Variants in NOX3 observed in about 807,000 individuals in gnomAD.
NOX3 encodes NADPH oxidase 3.
NOX3 carries 74 observed loss-of-function variants against 76.7 expected under a neutral mutation model. The ratio of observed to expected loss-of-function variants is 0.96; its 90% confidence interval spans 0.80 to 1.17. The LOEUF (loss-of-function observed/expected upper bound fraction) is 1.17. Among genes scored for constraint, NOX3 ranks in the 50% most tolerant of loss-of-function variants. The probability of loss-of-function intolerance (pLI) is 0.00; values close to 1 mark genes in which losing one functional copy is unlikely to be tolerated. For missense variants in NOX3, 695 were observed against 703.3 expected (o/e 0.99, Z 0.13); for synonymous variants, 263 against 261.1 (o/e 1.01, Z -0.07).
intron 12 of NOX3, among the ~76,000 whole-genome samples, chr6:155,402,948 C>T (rs575307609): frequency 2.6e-5 from 4 of 152,308 alleles, no homozygotes; most frequent in South Asian, 4.1e-4. Context: ...AGGACAGAAC[C>T]GTCTTGTAAG....
chr6:155,423,614 C>T (rs1307352062), intron 9 of NOX3, among the ~76,000 whole-genome samples: 1 of 152,140 alleles, frequency 6.6e-6, no homozygotes, highest in Non-Finnish European at 1.5e-5. Flanking sequence ...GGTTCTCACA[C>T]TGGTGAGATA....
intron 10 of NOX3, among the ~76,000 whole-genome samples, chr6:155,419,284 A>AT (rs1257818291): frequency 6.6e-6 from 1 of 152,200 alleles, no homozygotes; most frequent in Non-Finnish European, 1.5e-5. Flanking sequence ...CTGAACTGTA[A>AT]TTTTCAGCCC....
At chr6:155,443,478 A>G (rs577663388) in intron 4 of NOX3, 60 bp from the exon 5 acceptor site, 3 of 1,565,158 alleles carry the variant, frequency 1.9e-6, no homozygotes, top group African/African-American at 1.4e-5. Context: ...CCTAGTTACT[A>G]AAAAATACAG....
chr6:155,432,015 T>C (rs1262306982), intron 7 of NOX3, among the ~76,000 whole-genome samples: 5 of 152,222 alleles, frequency 3.3e-5, no homozygotes, highest in African/African-American at 1.2e-4. Context: ...AATTTTAGGA[T>C]ACTGCATGCT....
chr6:155,420,378 T>C (rs1367399580), intron 10 of NOX3, among the ~76,000 whole-genome samples: 1 of 152,178 alleles, frequency 6.6e-6, no homozygotes, highest in African/African-American at 2.4e-5. Flanking sequence ...GGGATTTACT[T>C]GGTAGGCAGC....
chr6:155,407,052 A>T, intron 12 of NOX3, 78 bp downstream of exon 12: 1 of 1,529,638 alleles, frequency 6.5e-7, no homozygotes, highest in South Asian at 1.1e-5. Context: ...GGTACTGCAG[A>T]TTAACTTTTC....
chr6:155,454,950 G>A (rs1370269240), intron 2 of NOX3, 29 bp from the exon 3 acceptor site: 2 of 1,587,146 alleles, frequency 1.3e-6, no homozygotes, highest in South Asian at 1.1e-5. Context: ...ATAAAAAAGA[G>A]ATTCAGGGAA....
At chr6:155,430,313 A>AGCAT (rs982543856) in intron 8 of NOX3, among the ~76,000 whole-genome samples, 1 of 152,078 alleles carries the variant, frequency 6.6e-6, no homozygotes, top group Non-Finnish European at 1.5e-5. Flanking sequence ...TGCTACCAGG[A>AGCAT]GCATGCTGCT....
chr6:155,435,411 C>T (rs1258320614), intron 7 of NOX3, among the ~76,000 whole-genome samples: 3 of 152,012 alleles, frequency 2.0e-5, no homozygotes, highest in South Asian at 4.2e-4. Context: ...CTATACCGGC[C>T]ATTAAAAGAA....
Position 155,411,329 on chromosome 6 carries a change from C to G in NOX3, c.1340G>C (p.Arg447Thr). 6.2e-7 allele frequency: 1 copy of G among 1,613,868 alleles called. No individual in the cohort carries two copies. Among genetic ancestry groups the G allele is most frequent in the Non-Finnish European group, 8.5e-7 (1 of 1,179,866 alleles). Reference sequence around the variant, plus strand: ...GAGATCAGCAAACCACTCAAAAGCTCTTGCATCCCGGCAAATCCAGTAGAA... The same window carrying G: ...GAGATCAGCAAACCACTCAAAAGCTGTTGCATCCCGGCAAATCCAGTAGAA... ...VYFYWICRDA[R>T]AFEWFADLLL... The change falls in exon 11 of 14, where the codon AGA (arginine) becomes ACA (threonine). Residue 447 changes from arginine to threonine, a missense_variant. Transcript: ENST00000159060.
intron 4 of NOX3, among the ~76,000 whole-genome samples, chr6:155,448,861 GA>G (rs918449068): frequency 2.0e-4 from 31 of 152,248 alleles, no homozygotes; most frequent in African/African-American, 6.7e-4. Flanking sequence ...GCAGCCTTCA[GA>G]AACAAGGACC....
At chr6:155,399,758 G>A (rs943139951) in intron 12 of NOX3, among the ~76,000 whole-genome samples, 4 of 151,524 alleles carry the variant, frequency 2.6e-5, no homozygotes, top group African/African-American at 9.7e-5. Flanking sequence ...ATGAGGCAAC[G>A]GACAAGTGCA....
intron 10 of NOX3, among the ~76,000 whole-genome samples, chr6:155,415,346 C>T (rs1195104339): frequency 1.3e-5 from 2 of 152,200 alleles, no homozygotes; most frequent in African/African-American, 4.8e-5. Flanking sequence ...TGGATGCTTT[C>T]AGGCGATTAC....
At chr6:155,431,533 C>G (rs1007381543) in intron 7 of NOX3, among the ~76,000 whole-genome samples, 10 of 151,820 alleles carry the variant, frequency 6.6e-5, no homozygotes, top group Non-Finnish European at 1.2e-4. Flanking sequence ...CAATAATTGT[C>G]TAGAGAATTG....
chr6:155,419,309 A>G (rs1027657619), intron 10 of NOX3, among the ~76,000 whole-genome samples: 4 of 152,238 alleles, frequency 2.6e-5, no homozygotes, highest in Non-Finnish European at 4.4e-5. Flanking sequence ...TTTCAATAGC[A>G]TGAAAACCTC....
intron 4 of NOX3, among the ~76,000 whole-genome samples, chr6:155,451,822 T>G (rs1729720921): frequency 6.6e-6 from 1 of 151,944 alleles, no homozygotes; most frequent in South Asian, 2.1e-4. Flanking sequence ...GAGACGGGCT[T>G]TCACTATGTT....
intron 9 of NOX3, 81 bp from the exon 10 acceptor site, chr6:155,422,937 T>C: frequency 6.9e-7 from 1 of 1,450,328 alleles, no homozygotes; most frequent in Admixed American, 1.8e-5. Context: ...AGCTGGTGCT[T>C]TTTACAGGAC....
At chr6:155,426,645 C>T (rs757315388) in intron 9 of NOX3, among the ~76,000 whole-genome samples, 5 of 152,054 alleles carry the variant, frequency 3.3e-5, no homozygotes, top group African/African-American at 4.8e-5. Context: ...ACTACATTCT[C>T]AGTGTGTGTG....
chr6:155,438,032 A>G (rs1482636471), intron 6 of NOX3, among the ~76,000 whole-genome samples: 1 of 152,240 alleles, frequency 6.6e-6, no homozygotes, highest in African/African-American at 2.4e-5. Context: ...AAATATCTCC[A>G]ACGAAACACT....
Sources: allele counts gnomAD v4.1 joint callset (sites outside exome capture counted in the v4.1 genomes callset), GRCh38; gene constraint gnomAD v4.1.1; transcripts MANE v1.5; gene names NCBI Gene and HGNC (gene_info 2026-07-23, HGNC 2026-07-21).